CORO2B: variants seen among roughly 807,000 people sequenced by gnomAD.
The protein encoded by CORO2B is coronin 2B.
Under a neutral mutation model 58.8 loss-of-function variants are expected in CORO2B, and 26 were observed. That is an observed-to-expected ratio of 0.44 (90% CI 0.32 to 0.61). CORO2B has a LOEUF of 0.61. CORO2B is among the 20% of genes least tolerant of loss of function. The pLI, the probability that CORO2B is intolerant of heterozygous loss-of-function variation, is 0.04. For missense variants in CORO2B, 460 were observed against 645.1 expected (o/e 0.71, Z 3.11); for synonymous variants, 242 against 253.8 (o/e 0.95, Z 0.44).
chr15:68,611,317 T>A (rs1900242801), intron 1 of CORO2B, among the ~76,000 whole-genome samples: 1 of 152,226 alleles, frequency 6.6e-6, no homozygotes, highest in Admixed American at 6.5e-5. Flanking sequence ...AGTGTAAAGA[T>A]GAAATTTTGA....
intron 1 of CORO2B, among the ~76,000 whole-genome samples, chr15:68,606,628 T>C (rs540191542): frequency 6.6e-6 from 1 of 152,300 alleles, no homozygotes; most frequent in South Asian, 2.1e-4. Flanking sequence ...AGAGGCTGTG[T>C]AGAAAATACA....
At chr15:68,615,295 A>G (rs1670085329) in intron 1 of CORO2B, among the ~76,000 whole-genome samples, 1 of 152,120 alleles carries the variant, frequency 6.6e-6, no homozygotes, top group African/African-American at 2.4e-5. Flanking sequence ...CTTTCTAATC[A>G]AAGTGGACAG....
At chr15:68,560,487 C>T in the CORO2B span, among the ~76,000 whole-genome samples, 1 of 151,826 alleles carries the variant, frequency 6.6e-6, no homozygotes, top group African/African-American at 2.4e-5. Context: ...TTTGTAGAAA[C>T]GGGGTCTCAA....
rs1892567092 is a variant in CORO2B, at chr15:68,698,516, G to T, written c.333+3260G>T. Among the ~76,000 whole-genome samples the T allele has an allele frequency of 2.0e-5, 3 of 152,256 alleles. 1 individual carries two copies. The South Asian group carries it at 6.2e-4, about 32-fold the overall frequency. On this transcript the variant is annotated intron_variant, in intron 3 of 11. Transcript: ENST00000261861. ...GGTTTGTGTCCAAGAAAAACATAAG[G>T]CTGCATCCCCGGCCACATGAGCCAA...
chr15:68,720,514 C>T (rs1893136137), intron 11 of CORO2B, among the ~76,000 whole-genome samples: 1 of 152,188 alleles, frequency 6.6e-6, no homozygotes, highest in South Asian at 2.1e-4. Context: ...TCCACTGGGG[C>T]TGGAATCACA....
At chr15:68,694,444 A>C (rs1892460968) in intron 2 of CORO2B, among the ~76,000 whole-genome samples, 1 of 152,262 alleles carries the variant, frequency 6.6e-6, no homozygotes, top group African/African-American at 2.4e-5. Context: ...ACTGCTAAAA[A>C]TCAGCAGAGC....
the CORO2B span, among the ~76,000 whole-genome samples, chr15:68,551,734 G>A: frequency 6.6e-6 from 1 of 152,208 alleles, no homozygotes; most frequent in Non-Finnish European, 1.5e-5. Flanking sequence ...TTTTTAAAAT[G>A]AAAAGTGGCA....
At chr15:68,579,703 G>A (rs1899377990) in intron 1 of CORO2B, among the ~76,000 whole-genome samples, 1 of 152,216 alleles carries the variant, frequency 6.6e-6, no homozygotes. Context: ...GCCAGCGGAG[G>A]GGAAACCCCA....
chr15:68,522,473 G>A, the CORO2B span, among the ~76,000 whole-genome samples: 6 of 151,464 alleles, frequency 4.0e-5, no homozygotes, highest in Non-Finnish European at 2.9e-5. Flanking sequence ...TTTTTGAGAT[G>A]GAGTCTCGCT....
chr15:68,711,479 G>A (rs1430378775), intron 4 of CORO2B, 63 bp from the exon 5 acceptor site: 1 of 1,492,694 alleles, frequency 6.7e-7, no homozygotes, highest in African/African-American at 1.4e-5. Context: ...GTGTGCACTG[G>A]GGACAAACAC....
the CORO2B span, among the ~76,000 whole-genome samples, chr15:68,547,607 G>A: frequency 1.3e-5 from 2 of 152,022 alleles, no homozygotes; most frequent in African/African-American, 4.8e-5. Context: ...CTCCCAAAGT[G>A]TTGGGATTAC....
intron 5 of CORO2B, 105 bp downstream of exon 5, chr15:68,711,811 T>A: frequency 7.9e-7 from 1 of 1,261,188 alleles, no homozygotes; most frequent in Non-Finnish European, 1.1e-6. Context: ...CCTTCTCCAG[T>A]GCATCTCACT....
chr15:68,669,583 C>CT (rs1902316295), intron 2 of CORO2B, among the ~76,000 whole-genome samples: 1 of 152,124 alleles, frequency 6.6e-6, no homozygotes, highest in Admixed American at 6.6e-5. Context: ...TTTGGCCTCA[C>CT]TTTCGTTGAG....
At chr15:68,535,351 A>G in the CORO2B span, among the ~76,000 whole-genome samples, 1 of 152,354 alleles carries the variant, frequency 6.6e-6, no homozygotes, top group East Asian at 1.9e-4. Context: ...GTATGACCTT[A>G]GTCAATTTAC....
intron 2 of CORO2B, among the ~76,000 whole-genome samples, chr15:68,667,706 G>C (rs140892469): frequency 1.3e-5 from 2 of 152,350 alleles, no homozygotes; most frequent in African/African-American, 4.8e-5. Flanking sequence ...TTCCCCATCT[G>C]TGAGATGGGA....
At chr15:68,545,016 C>T in the CORO2B span, among the ~76,000 whole-genome samples, 4 of 152,154 alleles carry the variant, frequency 2.6e-5, no homozygotes, top group African/African-American at 9.7e-5. Flanking sequence ...ACCTCGTGAT[C>T]CGCCCACCTC....
At chr15:68,544,588 G>A in the CORO2B span, among the ~76,000 whole-genome samples, 1 of 152,096 alleles carries the variant, frequency 6.6e-6, no homozygotes, top group Non-Finnish European at 1.5e-5. Flanking sequence ...AGGCAGGTTG[G>A]TCTCCTCAAG....
chr15:68,625,794 G>A (rs183248452), intron 1 of CORO2B, among the ~76,000 whole-genome samples: 58 of 151,894 alleles, frequency 3.8e-4, no homozygotes, highest in Non-Finnish European at 6.0e-4. Context: ...TTGTAGAGAC[G>A]GGGTTTCACC....
chr15:68,684,657 C>T (rs900932546), intron 2 of CORO2B, among the ~76,000 whole-genome samples: 3 of 152,230 alleles, frequency 2.0e-5, no homozygotes, highest in African/African-American at 7.2e-5. Flanking sequence ...ATGCAGGGCT[C>T]TGAGCCTGCA....
Sources: allele counts gnomAD v4.1 joint callset (sites outside exome capture counted in the v4.1 genomes callset), GRCh38; gene constraint gnomAD v4.1.1; transcripts MANE v1.5; gene names NCBI Gene and HGNC (gene_info 2026-07-23, HGNC 2026-07-21).